OPHN1: variants seen among roughly 807,000 people sequenced by gnomAD.
OPHN1 encodes the protein oligophrenin-1.
Under a neutral mutation model 60.7 loss-of-function variants are expected in OPHN1, and 11 were observed. The ratio of observed to expected loss-of-function variants is 0.18; its 90% CI spans 0.11 to 0.30. OPHN1 has a LOEUF of 0.30. OPHN1 is among the 10% of genes least tolerant of loss of function. The pLI is 1.00. For missense variants in OPHN1, 449 were observed against 611.0 expected (o/e 0.73, Z 2.80); for synonymous variants, 226 against 222.6 (o/e 1.02, Z -0.14).
intron 5 of OPHN1, among the ~76,000 whole-genome samples, chrX:68,262,039 T>G (rs2077896205): frequency 1.8e-5 from 2 of 111,228 alleles, no homozygotes; most frequent in African/African-American, 6.5e-5. Context: ...AAATAAGAAA[T>G]AAGAGTTTAA....
rs2078241985 is a variant in OPHN1 at position 68,322,838 on chromosome X, T to C, written c.155-23742A>G. On this transcript the variant is annotated intron_variant, in intron 2 of 24. Transcript: ENST00000355520. Reference sequence around the variant, plus strand: ...TTGCACCACTCAATACCAATACAAATAAATCAATTATTGACATATGCAATA... The same window carrying C: ...TTGCACCACTCAATACCAATACAAACAAATCAATTATTGACATATGCAATA... 3.6e-5 allele frequency among the ~76,000 whole-genome samples: 4 copies of C among 110,809 alleles called. No individual in the cohort carries two copies. The South Asian group carries it at 1.5e-3, about 42-fold the overall frequency.
intron 5 of OPHN1, among the ~76,000 whole-genome samples, chrX:68,251,180 GTTTTTTTTTTTT>G (rs1161101532): frequency 6.6e-5 from 3 of 45,744 alleles, no homozygotes; most frequent in African/African-American, 1.9e-4. Flanking sequence ...CTCCTCAAAT[GTTTTTTTTTTTT>G]TTTTTTTTTT....
At chrX:68,295,551 C>A (rs775141324) in intron 3 of OPHN1, among the ~76,000 whole-genome samples, 11 of 112,726 alleles carry the variant, frequency 9.8e-5, no homozygotes, top group Non-Finnish European at 1.9e-4. Context: ...AGACACAAGA[C>A]TTCTTAGACA....
rs774030301 is a variant in OPHN1 at position 68,224,111 on chromosome X, G to T, written c.487-10139C>A. Among the ~76,000 whole-genome samples the T allele has an allele frequency of 3.6e-5, 4 of 111,583 alleles. No homozygotes were observed. In the South Asian group the frequency reaches 1.5e-3, roughly 42 times the overall value. On this transcript the variant is annotated intron_variant, in intron 6 of 24. Transcript: ENST00000355520. Reference sequence around the variant, plus strand: ...CACCATTGATCAACTGAATCTAACTGACATCTTTGTAACACTTGATACAAC... The same window carrying T: ...CACCATTGATCAACTGAATCTAACTTACATCTTTGTAACACTTGATACAAC...
chrX:68,323,859 C>T (rs2078246675), intron 2 of OPHN1, among the ~76,000 whole-genome samples: 1 of 111,858 alleles, frequency 8.9e-6, no homozygotes, highest in Admixed American at 9.6e-5. Flanking sequence ...ATTTATCATA[C>T]ATACAGACTG....
chrX:68,393,357 C>T (rs1397777302), intron 2 of OPHN1, among the ~76,000 whole-genome samples: 1 of 111,994 alleles, frequency 8.9e-6, no homozygotes, highest in Non-Finnish European at 1.9e-5. Flanking sequence ...GAGGCTCGAT[C>T]ACAGCTCAGT....
At position 68,073,111 on chromosome X, in the gene OPHN1, T is replaced by G. The variant is rs765458461; in HGVS notation, c.1834+41A>C. On this transcript the variant is annotated intron_variant, in intron 20 of 24. Transcript: ENST00000355520. The stretch of plus-strand genomic sequence containing the variant: ...TGCCCTTCGATATCCTCTTTGTGTC[T>G]AATCACCATTCAGAAGCTAAAGGTG... 1.1e-5 allele frequency: 13 copies of G among 1,180,740 alleles called. No homozygotes were observed. The East Asian group carries it at 4.0e-4, about 36-fold the overall frequency.
chrX:68,308,447 G>A (rs1320832554), intron 2 of OPHN1, among the ~76,000 whole-genome samples: 1 of 108,623 alleles, frequency 9.2e-6, no homozygotes, highest in African/African-American at 3.4e-5. Flanking sequence ...AAAAAATCAG[G>A]CAGGCGTGGT....
At chrX:68,408,760 G>A (rs1321254933) in intron 2 of OPHN1, among the ~76,000 whole-genome samples, 2 of 112,584 alleles carry the variant, frequency 1.8e-5, no homozygotes, top group African/African-American at 3.2e-5. Flanking sequence ...CAAGGAATTC[G>A]AGACCAGCCT....
At chrX:68,245,993 C>T (rs771383910) in intron 5 of OPHN1, among the ~76,000 whole-genome samples, 1 of 110,823 alleles carries the variant, frequency 9.0e-6, no homozygotes, top group East Asian at 2.9e-4. Flanking sequence ...TTAGTAGAGA[C>T]GGGGTTTCAC....
At chrX:68,276,740 T>C (rs188983548) in intron 4 of OPHN1, among the ~76,000 whole-genome samples, 2 of 111,191 alleles carry the variant, frequency 1.8e-5, no homozygotes, top group East Asian at 2.8e-4. Context: ...GAAGTAACAC[T>C]CTGTGACATT....
At chrX:68,065,851 G>T (rs1043313671) in intron 20 of OPHN1, among the ~76,000 whole-genome samples, 2 of 112,207 alleles carry the variant, frequency 1.8e-5, no homozygotes, top group Admixed American at 9.4e-5. Flanking sequence ...GGGAAGTCTT[G>T]CTGCAAAGGT....
intron 2 of OPHN1, among the ~76,000 whole-genome samples, chrX:68,353,232 T>C (rs2078422096): frequency 9.2e-6 from 1 of 108,529 alleles, no homozygotes; most frequent in African/African-American, 3.4e-5. Flanking sequence ...TAAATACTTT[T>C]ATTGAGACAT....
At chrX:68,170,524 A>G (rs1303418721) in intron 15 of OPHN1, among the ~76,000 whole-genome samples, 1 of 110,030 alleles carries the variant, frequency 9.1e-6, no homozygotes, top group African/African-American at 3.3e-5. Flanking sequence ...AAAGACTTGG[A>G]ACCAACCCAA....
intron 5 of OPHN1, among the ~76,000 whole-genome samples, chrX:68,250,123 T>C (rs2077826219): frequency 8.9e-6 from 1 of 112,237 alleles, no homozygotes; most frequent in East Asian, 2.8e-4. Context: ...AATTGCCTCA[T>C]TGCTCTTTTC....
intron 18 of OPHN1, among the ~76,000 whole-genome samples, chrX:68,103,588 T>C (rs1051213255): frequency 2.2e-5 from 2 of 90,247 alleles, no homozygotes; most frequent in African/African-American, 8.4e-5. Flanking sequence ...ATTATCTCAA[T>C]AGATGCAGAA....
chrX:68,345,787 G>T (rs1214865666), intron 2 of OPHN1, among the ~76,000 whole-genome samples: 2 of 112,366 alleles, frequency 1.8e-5, no homozygotes, highest in African/African-American at 6.5e-5. Flanking sequence ...CTGTGCTTAT[G>T]CATAAAAATA....
chrX:68,269,525 G>A (rs1429743992), intron 5 of OPHN1, among the ~76,000 whole-genome samples: 2 of 111,655 alleles, frequency 1.8e-5, no homozygotes, highest in East Asian at 5.6e-4. Context: ...TGGGAAAACT[G>A]GCTAGCCATA....
chrX:68,097,033 C>A lies in OPHN1; in HGVS notation c.1527-4G>T. The A allele has an allele frequency of 8.3e-7, 1 of 1,203,083 alleles. No individual in the cohort carries two copies. Among genetic ancestry groups the A allele is most frequent in the Non-Finnish European group, 1.1e-6 (1 of 891,232 alleles). ...CTCTTTGCTGTGCTCACACACACTG[C>A]CAGAAGAAAAGGGGCAAGATTAACA... On this transcript the variant is annotated splice_region_variant and splice_polypyrimidine_tract_variant and intron_variant, in intron 18 of 24. Coordinates refer to ENST00000355520, the MANE Select transcript of OPHN1 (RefSeq NM_002547.3).
Sources: allele counts gnomAD v4.1 joint callset (sites outside exome capture counted in the v4.1 genomes callset), GRCh38; gene constraint gnomAD v4.1.1; transcripts MANE v1.5; gene names NCBI Gene and HGNC (gene_info 2026-07-23, HGNC 2026-07-21).